The following TTN variants were observed in gnomAD, a reference collection of about 807,000 sequenced individuals.
The protein encoded by TTN is connectin.
TTN carries 1,525 observed loss-of-function variants against 3,223.0 expected under a neutral mutation model. The observed-to-expected ratio is 0.47, with a 90% CI of 0.45 to 0.49. TTN has a LOEUF of 0.49. Ranked by LOEUF, TTN falls within the 20% of genes least tolerant of loss-of-function variation. The pLI is 0.00. For synonymous variants in TTN, 14,094 were observed against 15,161.0 expected, an observed-to-expected ratio of 0.93 and a Z score of 5.17; for missense variants, 40,786 against 43,424.0, an observed-to-expected ratio of 0.94 and a Z score of 5.40.
chr2:178,747,495 T>C (rs1256623523), intron 47 of TTN: 1 of 1,613,300 alleles, frequency 6.2e-7, no homozygotes, highest in Admixed American at 1.7e-5. Context: ...CCAATGGAAA[T>C]GTCAGACTCA....
In TTN at chr2:178,739,434, AAGCCACCCTC is replaced by A; in HGVS notation, c.13789_13798del (p.Glu4597Ter). The A allele has an allele frequency of 6.2e-7, 1 of 1,613,786 alleles. No homozygotes were observed. The highest frequency in any genetic ancestry group is 8.5e-7 in the Non-Finnish European group (1 of 1,179,810). ...TATCATGGGGCCATCCTCTTTGATT[AAGCCACCCTC>A]AGCTTCCTGTATCTTTACTGTAGCA... is the stretch of plus-strand genomic sequence containing the variant. On this transcript the variant is annotated frameshift_variant, in exon 48 of 363. Coordinates refer to ENST00000589042, the MANE Select transcript of TTN (RefSeq NM_001267550.2). LOFTEE classifies it high-confidence loss of function.
chr2:178,757,955 C>T (rs370128930), intron 44 of TTN, 39 bp from the exon 45 acceptor site: 1 of 1,505,000 alleles, frequency 6.6e-7, no homozygotes, highest in Non-Finnish European at 8.9e-7. Flanking sequence ...TCTTACCTTG[C>T]ACTGAAACCA....
intron 11 of TTN, 142 bp downstream of exon 11, chr2:178,790,566 G>T: frequency 7.7e-7 from 1 of 1,291,762 alleles, no homozygotes; most frequent in Non-Finnish European, 1.1e-6. Context: ...AAAGGTAGCT[G>T]TGTGGGAAAA....
chr2:178,744,864 T>C, intron 47 of TTN: 2 of 985,218 alleles, frequency 2.0e-6, no homozygotes, highest in African/African-American at 1.7e-5. Flanking sequence ...AGTGGAAAGA[T>C]CTATTTGCTT....
intron 47 of TTN, chr2:178,746,701 T>A (rs1574179273): frequency 1.2e-6 from 2 of 1,613,496 alleles, no homozygotes; most frequent in Admixed American, 1.7e-5. Context: ...CATTACCCAC[T>A]CTTTCCATTT....
At position 178,714,505 on chromosome 2, in the gene TTN, T is replaced by C; in HGVS notation, c.26269A>G (p.Thr8757Ala). The C allele has an allele frequency of 6.2e-7, 1 of 1,613,436 alleles. No individual in the cohort carries two copies. The highest frequency in any genetic ancestry group is 8.5e-7 in the Non-Finnish European group (1 of 1,179,620). ...TVVGKEVQLQTTIEGAEPISV... is the reference protein window; with the variant it reads ...TVVGKEVQLQATIEGAEPISV... ...ATGGGTTCAGCGCCTTCAATGGTAG[T>C]CTGCAGCTGAACTTCTTTACCAACG... Residue 8757 changes from threonine to alanine, a missense_variant, in exon 91 of 363, where the codon ACT becomes GCT. Physicochemically the swap from Thr to Ala is moderately conservative, Grantham distance 58. Transcript: ENST00000589042.
chr2:178,608,766 G>C lies in TTN; in HGVS notation c.52245C>G (p.Asp17415Glu), dbSNP rs2055542542. 1 of 1,612,588 alleles carries C rather than the reference G, an allele frequency of 6.2e-7. No individual in the cohort carries two copies. Among genetic ancestry groups the C allele is most frequent in the Non-Finnish European group, 8.5e-7 (1 of 1,179,208 alleles). Reference sequence around the variant, plus strand: ...TTGAAGTGACAACAATCCATTCTGAGTCGGGTTTTGTCTTGTCTTTCTTTT... The same window carrying C: ...TTGAAGTGACAACAATCCATTCTGACTCGGGTTTTGTCTTGTCTTTCTTTT... Reference protein sequence around the residue: ...TLEKKDKTKPDSEWIVVTSTL... With the variant: ...TLEKKDKTKPESEWIVVTSTL... The change falls in exon 274 of 363, where the codon GAC becomes GAG. Residue 17415 changes from aspartate to glutamate, a missense_variant. By Grantham distance (45) the Asp-to-Glu change is conservative. Coordinates refer to ENST00000589042, the MANE Select transcript of TTN (RefSeq NM_001267550.2).
In TTN at chr2:178,551,959, C is replaced by G. The variant is rs763875418; in HGVS notation, c.90941G>C (p.Ser30314Thr). 1.2e-6 allele frequency: 2 copies of G among 1,612,320 alleles called. No homozygotes were observed. Among genetic ancestry groups the G allele is most frequent in the Admixed American group, 3.3e-5 (2 of 59,988 alleles). ...RYGVSQPLVSSIIVAKHQFRI... is the reference protein window; with the variant it reads ...RYGVSQPLVSTIIVAKHQFRI... ...GAACTGGTGTTTTGCCACAATAATGCTTGAGACAAGTGGTTGGCTGACTCC... is the reference window on the plus strand; with the variant it reads ...GAACTGGTGTTTTGCCACAATAATGGTTGAGACAAGTGGTTGGCTGACTCC... Residue 30314 changes from serine (S) to threonine (T), a missense_variant, in exon 335 of 363, where the codon AGC becomes ACC. Coordinates refer to ENST00000589042, the MANE Select transcript of TTN (RefSeq NM_001267550.2).
rs1192508710 is a variant in TTN, at chr2:178,570,389, C to T, written c.75743G>A (p.Ser25248Asn). ...INYIVERRET[S>N]RLVWTVVDAN... is the part of the protein sequence containing the mutation. The stretch of plus-strand genomic sequence containing the variant: ...ATCAACCACAGTCCAAACTAAGCGG[C>T]TGGTTTCTCTCCTTTCCACAATATA... Residue 25248 changes from serine to asparagine, a missense_variant, in exon 326 of 363, where the codon AGC becomes AAC. Transcript: ENST00000589042. The T allele has an allele frequency of 6.2e-7, 1 of 1,613,096 alleles. No homozygotes were observed. The highest frequency in any genetic ancestry group is 8.5e-7 in the Non-Finnish European group (1 of 1,179,598).
chr2:178,659,502 G>A (rs1172245829), intron 180 of TTN, among the ~76,000 whole-genome samples: 1 of 149,354 alleles, frequency 6.7e-6, no homozygotes, highest in Admixed American at 6.7e-5. Flanking sequence ...AGCCCTTCAT[G>A]CTAAAGACTC....
At position 178,570,245 on chromosome 2, in the gene TTN, A is replaced by C. The variant is rs765266847; in HGVS notation, c.75887T>G (p.Val25296Gly). Residue 25296 changes from valine (V) to glycine (G), a missense_variant, in exon 326 of 363, where the codon GTA (valine) becomes GGA (glycine). By Grantham distance (109) the Val-to-Gly change is moderately radical. Transcript: ENST00000589042. ...GVGEPLESEP[V>G]VAKNPFVVPD... ...TACTACAAATGGATTCTTGGCAACT[A>C]CTGGCTCAGATTCAAGAGGTTCACC... is the stretch of plus-strand genomic sequence containing the variant. 1 of 1,613,360 alleles carries C rather than the reference A, an allele frequency of 6.2e-7. No individual in the cohort carries two copies. The highest frequency in any genetic ancestry group is 8.5e-7 in the Non-Finnish European group (1 of 1,179,620).
rs1279879901 is a variant in TTN at position 178,746,075 on chromosome 2, T to C, written c.11312-4154A>G. 14 of 1,613,304 alleles carry C rather than the reference T, an allele frequency of 8.7e-6. No individual in the cohort carries two copies. In the East Asian group the frequency reaches 1.6e-4, roughly 18 times the overall value. The stretch of plus-strand genomic sequence containing the variant: ...TGTTGCACTATCAGAAAGACAGACA[T>C]TTCGAATTTTAAGAGTGTGACTTCC... On this transcript the variant is annotated intron_variant, in intron 47 of 362. Coordinates refer to ENST00000589042, the MANE Select transcript of TTN (RefSeq NM_001267550.2).
At chr2:178,757,231 T>TGTACTTGCTTTAAGGA (rs1252574568) in intron 45 of TTN, among the ~76,000 whole-genome samples, 1 of 148,874 alleles carries the variant, frequency 6.7e-6, no homozygotes, top group Non-Finnish European at 1.5e-5. Flanking sequence ...TAAGTAATAA[T>TGTACTTGCTTTAAGGA]CAGCAAATAG....
intron 47 of TTN, chr2:178,744,637 A>T: frequency 1.1e-6 from 1 of 948,602 alleles, no homozygotes; most frequent in Non-Finnish European, 1.3e-6. Flanking sequence ...TGTTATTTAT[A>T]TATAATCTGA....
At chr2:178,672,811 G>T in intron 152 of TTN, 108 bp from the exon 153 acceptor site, 1 of 889,456 alleles carries the variant, frequency 1.1e-6, no homozygotes. Flanking sequence ...TTTTTCAGAA[G>T]TCACTCTGTA....
chr2:178,606,365 T>C (rs80098281), intron 278 of TTN, among the ~76,000 whole-genome samples: 11,664 of 151,816 alleles, frequency 0.077, 653 homozygotes, highest in East Asian at 0.23. Context: ...AGCAGTGATA[T>C]AGGATGTATT....
In TTN at chr2:178,784,219, T is replaced by C. The variant is rs1337556254; in HGVS notation, c.2626A>G (p.Thr876Ala). 6.2e-6 allele frequency: 10 copies of C among 1,614,190 alleles called. No individual in the cohort carries two copies. The highest frequency in any genetic ancestry group is 1.7e-6 in the Non-Finnish European group (2 of 1,180,016). The change falls in exon 16 of 363, where the codon ACA becomes GCA. Residue 876 changes from threonine (T) to alanine (A), a missense_variant. Thr to Ala is a moderately conservative substitution (Grantham distance 58). Coordinates refer to ENST00000589042, the MANE Select transcript of TTN (RefSeq NM_001267550.2). ...PSETRVRAEPTPLPQFPFADT... is the reference protein window; with the variant it reads ...PSETRVRAEPAPLPQFPFADT... The stretch of plus-strand genomic sequence containing the variant: ...GCGAAGGGGAACTGTGGCAAGGGTG[T>C]GGGCTCTGCCCTTACTCTAGTCTCA...
At position 178,543,958 on chromosome 2, in the gene TTN, G is replaced by T; in HGVS notation, c.96186C>A (p.Asp32062Glu). 1 of 1,613,690 alleles carries T rather than the reference G, an allele frequency of 6.2e-7. No homozygotes were observed. Among genetic ancestry groups the T allele is most frequent in the Non-Finnish European group, 8.5e-7 (1 of 1,179,710 alleles). Residue 32062 changes from aspartate to glutamate, a missense_variant, in exon 346 of 363, where the codon GAC becomes GAA. Transcript: ENST00000589042. ...TTAGCAATGAGTAGCTCTCAGTGGT[G>T]TCAATAATTGCCCGGCTTGCAAGGT... Reference protein sequence around the residue: ...GIDLASRAIIDTTESYSLLIV... With the variant: ...GIDLASRAIIETTESYSLLIV...
intron 243 of TTN, 38 bp from the exon 244 acceptor site, chr2:178,622,046 G>A: frequency 6.5e-7 from 1 of 1,550,290 alleles, no homozygotes; most frequent in Admixed American, 1.9e-5. Flanking sequence ...TTTTCTTGTT[G>A]TTCCTTCACA....
Sources: gnomAD v4.1 joint callset for allele counts (sites outside exome capture counted in the v4.1 genomes callset) on GRCh38, gnomAD v4.1.1 for gene constraint, MANE v1.5 for transcripts, NCBI Gene and HGNC (gene_info 2026-07-23, HGNC 2026-07-21) for gene names.